RALA: variants seen among roughly 807,000 people sequenced by gnomAD.
RALA encodes RAS like proto-oncogene A.
Under a neutral mutation model 24.0 loss-of-function variants are expected in RALA, and 5 were observed. The observed-to-expected ratio is 0.21, with a 90% CI of 0.11 to 0.44. RALA has a LOEUF of 0.44. Ranked by LOEUF, RALA falls within the 20% of genes least tolerant of loss-of-function variation. The probability of loss-of-function intolerance (pLI) is 0.99; values close to 1 mark genes in which losing one functional copy is unlikely to be tolerated. For missense variants in RALA, 95 were observed against 241.2 expected (o/e 0.39, Z 4.01); for synonymous variants, 77 against 83.8 (o/e 0.92, Z 0.44).
At chr7:39,685,386 G>T (rs1370422821) in intron 1 of RALA, among the ~76,000 whole-genome samples, 1 of 152,162 alleles carries the variant, frequency 6.6e-6, no homozygotes, top group East Asian at 1.9e-4. Context: ...AACAGGAGGG[G>T]GCGTGGTTCT....
chr7:39,695,869 T>C (rs1792910045), intron 3 of RALA, among the ~76,000 whole-genome samples: 1 of 152,234 alleles, frequency 6.6e-6, no homozygotes, highest in Non-Finnish European at 1.5e-5. Context: ...ACAGATTTCC[T>C]TTTGTTTTTT....
intron 1 of RALA, among the ~76,000 whole-genome samples, chr7:39,671,935 G>A (rs1307106733): frequency 4.6e-5 from 7 of 152,032 alleles, no homozygotes; most frequent in African/African-American, 7.2e-5. Context: ...TAACTATTTA[G>A]GATGTCAGTT....
intron 1 of RALA, among the ~76,000 whole-genome samples, chr7:39,628,552 A>AT (rs1041695843): frequency 2.0e-5 from 3 of 152,004 alleles, no homozygotes; most frequent in South Asian, 2.1e-4. Context: ...TAACAGTTTA[A>AT]TTTTTTTGTT....
At chr7:39,697,944 G>A (rs1792950410) in intron 4 of RALA, among the ~76,000 whole-genome samples, 1 of 112,104 alleles carries the variant, frequency 8.9e-6, no homozygotes, top group African/African-American at 3.4e-5. Context: ...TTAGGACTAG[G>A]GCAAGTGTGT....
At chr7:39,650,894 A>AGGCT (rs1317840359) in intron 1 of RALA, among the ~76,000 whole-genome samples, 1 of 152,116 alleles carries the variant, frequency 6.6e-6, no homozygotes, top group Non-Finnish European at 1.5e-5. Flanking sequence ...TATTGGCAGG[A>AGGCT]GGCTTCAGTT....
At chr7:39,625,988 A>G (rs4720332) in intron 1 of RALA, among the ~76,000 whole-genome samples, 12,088 of 152,262 alleles carry the variant, frequency 0.079, 1,031 homozygotes, top group African/African-American at 0.21. Context: ...GGCAAGGACA[A>G]TTACTTTTAA....
intron 3 of RALA, among the ~76,000 whole-genome samples, chr7:39,690,907 C>A (rs528334238): frequency 6.6e-6 from 1 of 152,278 alleles, no homozygotes; most frequent in African/African-American, 2.4e-5. Flanking sequence ...CATAACAGTT[C>A]ATACTTAGAG....
chr7:39,677,878 C>T (rs1213578916), intron 1 of RALA, among the ~76,000 whole-genome samples: 197 of 119,810 alleles, frequency 1.6e-3, no homozygotes, highest in African/African-American at 6.0e-3. Context: ...TCATGTCCTT[C>T]GCCCACTTTT....
intron 1 of RALA, among the ~76,000 whole-genome samples, chr7:39,666,052 T>G (rs1162817288): frequency 2.0e-5 from 3 of 152,192 alleles, no homozygotes; most frequent in African/African-American, 7.2e-5. Flanking sequence ...ATATTTATTT[T>G]TCCCCAAGGT....
intron 1 of RALA, among the ~76,000 whole-genome samples, chr7:39,678,952 T>TTG (rs1792538418): frequency 6.6e-6 from 1 of 152,186 alleles, no homozygotes; most frequent in African/African-American, 2.4e-5. Flanking sequence ...ACAGACAACC[T>TTG]TGTGTTACCA....
At chr7:39,680,198 C>T (rs983708886) in intron 1 of RALA, among the ~76,000 whole-genome samples, 1 of 151,776 alleles carries the variant, frequency 6.6e-6, no homozygotes, top group Non-Finnish European at 1.5e-5. Flanking sequence ...GGAGAAACCC[C>T]GTCTTTACTA....
intron 1 of RALA, among the ~76,000 whole-genome samples, chr7:39,663,261 A>G (rs1027371566): frequency 2.0e-5 from 3 of 152,242 alleles, no homozygotes; most frequent in South Asian, 2.1e-4. Flanking sequence ...GTATTAAATT[A>G]TAACTGCATA....
intron 1 of RALA, among the ~76,000 whole-genome samples, chr7:39,666,105 TTTTC>T (rs1792283329): frequency 1.3e-5 from 2 of 152,176 alleles, no homozygotes; most frequent in Admixed American, 1.3e-4. Flanking sequence ...TCTCCCTTTT[TTTTC>T]TTTCTTTTTC....
At chr7:39,628,459 A>G (rs971689064) in intron 1 of RALA, among the ~76,000 whole-genome samples, 1 of 151,964 alleles carries the variant, frequency 6.6e-6, no homozygotes, top group Admixed American at 6.5e-5. Flanking sequence ...TTTATCAGTC[A>G]AGTGCCCAAA....
At chr7:39,697,753 T>G (rs1792947518) in intron 4 of RALA, among the ~76,000 whole-genome samples, 1 of 152,164 alleles carries the variant, frequency 6.6e-6, no homozygotes, top group Non-Finnish European at 1.5e-5. Flanking sequence ...ATCCAGAAAG[T>G]ACTAGGTTAA....
intron 1 of RALA, among the ~76,000 whole-genome samples, chr7:39,625,654 T>C (rs1791473222): frequency 6.6e-6 from 1 of 152,196 alleles, no homozygotes; most frequent in Admixed American, 6.5e-5. Context: ...ATAATATGGA[T>C]CATTTATTTT....
intron 1 of RALA, among the ~76,000 whole-genome samples, chr7:39,657,995 T>C (rs1792123729): frequency 6.6e-6 from 1 of 152,234 alleles, no homozygotes; most frequent in African/African-American, 2.4e-5. Context: ...GTACTCTTCC[T>C]CCTACTTCTC....
chr7:39,652,344 C>T (rs1346271941), intron 1 of RALA, among the ~76,000 whole-genome samples: 2 of 152,160 alleles, frequency 1.3e-5, no homozygotes, highest in Non-Finnish European at 2.9e-5. Flanking sequence ...AATAGCCATT[C>T]CCCACCCCAT....
intron 4 of RALA, chr7:39,700,604 A>T (rs1373997367): frequency 1.3e-5 from 2 of 152,232 alleles, no homozygotes; most frequent in Non-Finnish European, 1.5e-5. Flanking sequence ...CTCATTCTAC[A>T]GGTTGGAGAT....
Sources: allele counts gnomAD v4.1 joint callset (sites outside exome capture counted in the v4.1 genomes callset), GRCh38; gene constraint gnomAD v4.1.1; transcripts MANE v1.5; gene names NCBI Gene and HGNC (gene_info 2026-07-23, HGNC 2026-07-21).